The following UEVLD variants were observed in gnomAD, a reference collection of about 807,000 sequenced individuals.
UEVLD encodes the protein ubiquitin-conjugating enzyme E2 variant 3.
In UEVLD, 47 loss-of-function variants were observed where a neutral mutation model predicts 58.6. The ratio of observed to expected loss-of-function variants is 0.80; its 90% CI spans 0.63 to 1.02. The LOEUF is 1.02. Ranked by LOEUF, UEVLD falls within the 50% of genes least tolerant of loss-of-function variation. The probability of loss-of-function intolerance (pLI) is 0.00; values close to 1 mark genes in which losing one functional copy is unlikely to be tolerated. For synonymous variants in UEVLD, 197 were observed against 195.3 expected (o/e 1.01, Z -0.07); for missense variants, 510 against 550.6 (o/e 0.93, Z 0.74).
intron 8 of UEVLD, among the ~76,000 whole-genome samples, chr11:18,546,545 T>G (rs1851309764): frequency 6.6e-6 from 1 of 151,668 alleles, no homozygotes; most frequent in South Asian, 2.1e-4. Flanking sequence ...TCGGCCAGAC[T>G]GGGGTTCAGT....
intron 2 of UEVLD, 67 bp from the exon 3 acceptor site, chr11:18,575,479 T>C: frequency 6.7e-7 from 1 of 1,489,994 alleles, no homozygotes; most frequent in Non-Finnish European, 9.1e-7. Context: ...GTAAAGTATG[T>C]AAGTGTGCAC....
intron 9 of UEVLD, among the ~76,000 whole-genome samples, chr11:18,543,141 T>G (rs1851138675): frequency 6.6e-6 from 1 of 152,132 alleles, no homozygotes; most frequent in South Asian, 2.1e-4. Context: ...TCCATCCACC[T>G]TGGCCTCCCA....
chr11:18,564,629 G>A (rs755221147), intron 6 of UEVLD, among the ~76,000 whole-genome samples: 1 of 152,032 alleles, frequency 6.6e-6, no homozygotes, highest in African/African-American at 2.4e-5. Context: ...AAGAATTTGT[G>A]ATTAAGTCAT....
intron 4 of UEVLD, among the ~76,000 whole-genome samples, chr11:18,567,601 A>G (rs150035575): frequency 1.3e-5 from 2 of 152,364 alleles, no homozygotes; most frequent in South Asian, 4.1e-4. Flanking sequence ...TCAAATTTAC[A>G]TTAAGAACAA....
intron 7 of UEVLD, among the ~76,000 whole-genome samples, chr11:18,552,471 C>G (rs1482198035): frequency 6.6e-6 from 1 of 152,120 alleles, no homozygotes; most frequent in Non-Finnish European, 1.5e-5. Flanking sequence ...CACTTGAACC[C>G]AGGAGGCGGA....
chr11:18,540,788 C>T (rs1851019824), intron 9 of UEVLD, among the ~76,000 whole-genome samples: 1 of 152,172 alleles, frequency 6.6e-6, no homozygotes, highest in African/African-American at 2.4e-5. Context: ...TATCCTACTT[C>T]CCTTGGACCT....
At chr11:18,572,170 C>G (rs564765409) in intron 3 of UEVLD, among the ~76,000 whole-genome samples, 1 of 151,678 alleles carries the variant, frequency 6.6e-6, no homozygotes, top group African/African-American at 2.4e-5. Flanking sequence ...TGGGAGGCGG[C>G]GTTTGCAGTG....
chr11:18,564,095 AC>A (rs2134019089), intron 6 of UEVLD: 1 of 214,582 alleles, frequency 4.7e-6, no homozygotes, highest in African/African-American at 2.3e-5. Flanking sequence ...GGCATATTTA[AC>A]TCTGAGCAGC....
chr11:18,564,970 C>A lies in UEVLD; in HGVS notation c.534G>T (p.Glu178Asp). Reference sequence around the variant, plus strand: ...CAGTAATTTTATTGACTGTTTTATTCTCATGATTTGCCCAGCTCTTTGAAT... The same window carrying A: ...CAGTAATTTTATTGACTGTTTTATTATCATGATTTGCCCAGCTCTTTGAAT... Reference protein sequence around the residue: ...DTNSKSWANHENKTVNKITVV... With the variant: ...DTNSKSWANHDNKTVNKITVV... The change falls in exon 6 of 12, where the codon GAG (glutamate) becomes GAT (aspartate). Residue 178 changes from glutamate to aspartate, a missense_variant. By Grantham distance (45) the Glu-to-Asp change is conservative. Coordinates refer to ENST00000396197, the MANE Select transcript of UEVLD (RefSeq NM_001040697.4). The A allele has an allele frequency of 6.2e-7, 1 of 1,613,688 alleles. No individual in the cohort carries two copies. The highest frequency in any genetic ancestry group is 1.3e-5 in the African/African-American group (1 of 75,006).
Position 18,532,241 on chromosome 11 carries a change from C to T in UEVLD, c.*79G>A. On this transcript the variant is annotated 3_prime_UTR_variant, in exon 12 of 12. Coordinates refer to ENST00000396197, the MANE Select transcript of UEVLD (RefSeq NM_001040697.4). ...AAAGTAAGTAGCAGGATACAGAAAT[C>T]CTCAAACCTATATATAGGTAAAATT... The T allele has an allele frequency of 7.4e-7, 1 of 1,343,966 alleles. No homozygotes were observed. Among genetic ancestry groups the T allele is most frequent in the Non-Finnish European group, 9.9e-7 (1 of 1,009,888 alleles). The allele number at this position is 1,343,966 out of a possible 1,614,324, so 83.3% of individuals were successfully genotyped here.
chr11:18,581,664 C>T (rs1013830801), intron 1 of UEVLD, among the ~76,000 whole-genome samples: 4 of 143,698 alleles, frequency 2.8e-5, no homozygotes, highest in Non-Finnish European at 6.0e-5. Flanking sequence ...AGTGACAGAG[C>T]GAGACACTGT....
intron 3 of UEVLD, among the ~76,000 whole-genome samples, chr11:18,573,966 C>A (rs953864612): frequency 6.6e-6 from 1 of 152,160 alleles, no homozygotes; most frequent in Non-Finnish European, 1.5e-5. Context: ...TCTCAGCCCC[C>A]CTTTCAGTGT....
intron 10 of UEVLD, 108 bp downstream of exon 10, chr11:18,536,298 T>TTTA (rs1328822547): frequency 1.0e-6 from 1 of 999,466 alleles, no homozygotes; most frequent in African/African-American, 1.6e-5. Context: ...TTTGTCCATA[T>TTTA]TAGTTTTGTT....
At chr11:18,588,230 G>A (rs1853684919) in intron 1 of UEVLD, among the ~76,000 whole-genome samples, 1 of 152,140 alleles carries the variant, frequency 6.6e-6, no homozygotes, top group African/African-American at 2.4e-5. Flanking sequence ...ATCTTACAGG[G>A]AGTGACTGAG....
At chr11:18,567,632 A>T (rs1372399176) in intron 4 of UEVLD, among the ~76,000 whole-genome samples, 4 of 152,214 alleles carry the variant, frequency 2.6e-5, no homozygotes, top group Admixed American at 2.6e-4. Flanking sequence ...GGTAAAACAA[A>T]ACGAACTGTG....
At chr11:18,572,227 C>T (rs984030784) in intron 3 of UEVLD, among the ~76,000 whole-genome samples, 1 of 151,738 alleles carries the variant, frequency 6.6e-6, no homozygotes, top group Admixed American at 6.6e-5. Flanking sequence ...CAGTGCGAGA[C>T]TCCGTCTCAA....
chr11:18,581,701 G>C (rs1296891112), intron 1 of UEVLD, among the ~76,000 whole-genome samples: 1 of 151,252 alleles, frequency 6.6e-6, no homozygotes, highest in Non-Finnish European at 1.5e-5. Flanking sequence ...AAGAAAATTA[G>C]GGGGAAAAGG....
intron 9 of UEVLD, among the ~76,000 whole-genome samples, chr11:18,539,434 G>GA (rs1850964424): frequency 6.6e-6 from 1 of 152,074 alleles, no homozygotes; most frequent in African/African-American, 2.4e-5. Flanking sequence ...AATACATATG[G>GA]ACAACTTAAG....
At chr11:18,580,891 G>A (rs1451510223) in intron 1 of UEVLD, among the ~76,000 whole-genome samples, 5 of 152,082 alleles carry the variant, frequency 3.3e-5, no homozygotes, top group African/African-American at 7.2e-5. Context: ...CGCCAGGCGC[G>A]GTGGCTCACG....
Sources: gnomAD v4.1 joint callset for allele counts (sites outside exome capture counted in the v4.1 genomes callset) on GRCh38, gnomAD v4.1.1 for gene constraint, MANE v1.5 for transcripts, NCBI Gene and HGNC (gene_info 2026-07-23, HGNC 2026-07-21) for gene names.